Variants in PRKCH observed in about 807,000 individuals in gnomAD.
PRKCH encodes protein kinase C eta type.
A neutral mutation model predicts 82.5 loss-of-function variants in PRKCH; 28 were observed. The ratio of observed to expected loss-of-function variants is 0.34; its 90% CI spans 0.25 to 0.47. The LOEUF (loss-of-function observed/expected upper bound fraction) is 0.47. Ranked by LOEUF, PRKCH falls within the 20% of genes least tolerant of loss-of-function variation. The probability of loss-of-function intolerance (pLI) is 1.00; values close to 1 mark genes in which losing one functional copy is unlikely to be tolerated. For synonymous variants in PRKCH, 322 were observed against 327.4 expected, an observed-to-expected ratio of 0.98 and a Z score of 0.18; for missense variants, 705 against 881.8, an observed-to-expected ratio of 0.80 and a Z score of 2.54.
intron 1 of PRKCH, among the ~76,000 whole-genome samples, chr14:61,312,246 T>A (rs918656006): frequency 6.6e-6 from 1 of 152,230 alleles, no homozygotes; most frequent in Non-Finnish European, 1.5e-5. Context: ...AAATGATTCT[T>A]GTGCTTCAGC....
chr14:61,260,339 A>G (rs988582157), intron 1 of PRKCH, among the ~76,000 whole-genome samples: 14 of 152,222 alleles, frequency 9.2e-5, no homozygotes, highest in South Asian at 4.1e-4. Flanking sequence ...TTTTACCTCT[A>G]TGGGTTTAAA....
At chr14:61,463,799 A>G (rs913510406) in intron 9 of PRKCH, among the ~76,000 whole-genome samples, 14 of 152,216 alleles carry the variant, frequency 9.2e-5, no homozygotes, top group African/African-American at 3.4e-4. Flanking sequence ...ATTTGATTAC[A>G]CATATCAGTG....
At chr14:61,409,194 G>T (rs1882125391) in intron 2 of PRKCH, among the ~76,000 whole-genome samples, 2 of 152,178 alleles carry the variant, frequency 1.3e-5, no homozygotes, top group African/African-American at 4.8e-5. Context: ...AGACAGCCCT[G>T]TTCATGGGCA....
Position 61,549,789 on chromosome 14 carries a change from G to A in PRKCH, c.2010G>A (p.Glu670=). 1 of 1,614,066 alleles carries A rather than the reference G, an allele frequency of 6.2e-7. No homozygotes were observed. Among genetic ancestry groups the A allele is most frequent in the East Asian group, 2.2e-5 (1 of 44,884 alleles). Residue 670 remains glutamate, a synonymous_variant, in exon 14 of 14, where the codon GAG becomes GAA. Coordinates refer to ENST00000332981, the MANE Select transcript of PRKCH (RefSeq NM_006255.5). ...EGHLPMINQD[E]FRNFSYVSPE... ...ATCTTCCAATGATTAACCAGGATGA[G>A]TTTAGAAACTTTTCCTATGTGTCTC...
rs1314478318 is a variant in PRKCH, at chr14:61,449,896, CTCTCTG to C, written c.702+646_702+651del. 1.6e-3 allele frequency among the ~76,000 whole-genome samples: 39 copies of C among 24,408 alleles called. No individual in the cohort carries two copies. In the South Asian group the frequency reaches 0.018, roughly 11 times the overall value. The allele number at this position is 24,408 out of a possible 152,430, so 16.0% of individuals were successfully genotyped here. A position where few individuals can be genotyped will look rare whatever the true frequency, so the allele number is the denominator to read the frequency against. ...TCTCTCTCTCTCTCTCTCTCTCTCT[CTCTCTG>C]TGTGTGTGTGTGTGTGTGTGTATGT... is the stretch of plus-strand genomic sequence containing the variant. On this transcript the variant is annotated intron_variant, in intron 5 of 13. Coordinates refer to ENST00000332981, the MANE Select transcript of PRKCH (RefSeq NM_006255.5).
intron 1 of PRKCH, among the ~76,000 whole-genome samples, chr14:61,270,325 A>G (rs2045140459): frequency 6.6e-6 from 1 of 152,152 alleles, no homozygotes; most frequent in African/African-American, 2.4e-5. Context: ...TTAAAAAGAA[A>G]AAAGACAATG....
chr14:61,354,823 A>C (rs2140153540), intron 1 of PRKCH, among the ~76,000 whole-genome samples: 1 of 152,308 alleles, frequency 6.6e-6, no homozygotes, highest in East Asian at 1.9e-4. Context: ...AGATTACTTC[A>C]TTTTTGCCTT....
chr14:61,244,149 C>T (rs541270941), intron 1 of PRKCH, among the ~76,000 whole-genome samples: 1 of 152,234 alleles, frequency 6.6e-6, no homozygotes, highest in Non-Finnish European at 1.5e-5. Flanking sequence ...AGGCATGAGA[C>T]CGCCACATGA....
chr14:61,372,321 T>A (rs955556983), intron 1 of PRKCH, among the ~76,000 whole-genome samples: 9 of 152,116 alleles, frequency 5.9e-5, no homozygotes, highest in Non-Finnish European at 1.3e-4. Flanking sequence ...AGGTGTATAC[T>A]CACCCTTGTA....
At chr14:61,476,736 A>G (rs895953277) in intron 9 of PRKCH, among the ~76,000 whole-genome samples, 3 of 152,216 alleles carry the variant, frequency 2.0e-5, no homozygotes, top group Non-Finnish European at 4.4e-5. Context: ...TATTCAGGAC[A>G]TATTTCACCT....
intron 10 of PRKCH, 100 bp from the exon 11 acceptor site, chr14:61,528,975 T>TGTGTGG: frequency 1.2e-6 from 1 of 811,256 alleles, no homozygotes. Context: ...TGGCCGCACG[T>TGTGTGG]GTGTGTGTGT....
chr14:61,402,198 A>G (rs908451866), intron 2 of PRKCH, among the ~76,000 whole-genome samples: 2 of 152,236 alleles, frequency 1.3e-5, no homozygotes, highest in African/African-American at 4.8e-5. Context: ...ACGTATTTTC[A>G]CAATGGCCAG....
At chr14:61,418,055 A>C (rs147511752) in intron 2 of PRKCH, among the ~76,000 whole-genome samples, 9 of 152,324 alleles carry the variant, frequency 5.9e-5, no homozygotes, top group Non-Finnish European at 1.3e-4. Context: ...TTACATACGG[A>C]ATAGTTCCTG....
At chr14:61,493,524 A>G (rs75617724) in intron 10 of PRKCH, among the ~76,000 whole-genome samples, 6,561 of 152,280 alleles carry the variant, frequency 0.043, 211 homozygotes, top group Non-Finnish European at 0.062. Flanking sequence ...ATACAGTATT[A>G]CAAGTGGCCA....
chr14:61,199,284 G>A lies in PRKCH; in HGVS notation c.-19+11616G>A, dbSNP rs956033673. 6.6e-5 allele frequency among the ~76,000 whole-genome samples: 10 copies of A among 152,158 alleles called. 1 individual carries two copies. The highest frequency in any genetic ancestry group is 2.4e-4 in the African/African-American group (10 of 41,434). On this transcript the variant is annotated intron_variant, in intron 1 of 3. Coordinates refer to the PRKCH transcript ENST00000555185. The stretch of plus-strand genomic sequence containing the variant: ...TAATAATGTGTTATGTACCCCCTGG[G>A]TGTCTGATTTACTGACTTGAGCTGA...
At chr14:61,471,768 CA>C (rs939537926) in intron 9 of PRKCH, among the ~76,000 whole-genome samples, 12 of 151,906 alleles carry the variant, frequency 7.9e-5, no homozygotes, top group Admixed American at 2.0e-4. Flanking sequence ...AGCAGCATCC[CA>C]AAATACCAGC....
intron 4 of PRKCH, among the ~76,000 whole-genome samples, chr14:61,446,470 G>C (rs1421304948): frequency 6.6e-6 from 1 of 152,208 alleles, no homozygotes; most frequent in African/African-American, 2.4e-5. Flanking sequence ...TGATAAAATA[G>C]CACCACATAT....
At chr14:61,522,843 G>T (rs1039583151) in intron 10 of PRKCH, among the ~76,000 whole-genome samples, 1 of 152,250 alleles carries the variant, frequency 6.6e-6, no homozygotes, top group Non-Finnish European at 1.5e-5. Flanking sequence ...CTAAAGAATG[G>T]TTGGGTGGGT....
At chr14:61,395,151 G>A (rs546608471) in intron 2 of PRKCH, among the ~76,000 whole-genome samples, 8 of 152,118 alleles carry the variant, frequency 5.3e-5, no homozygotes, top group Non-Finnish European at 1.2e-4. Flanking sequence ...CTCTGTGCGT[G>A]CATTGCTTTT....
Sources: gnomAD v4.1 joint callset for allele counts (sites outside exome capture counted in the v4.1 genomes callset) on GRCh38, gnomAD v4.1.1 for gene constraint, MANE v1.5 for transcripts, NCBI Gene and HGNC (gene_info 2026-07-23, HGNC 2026-07-21) for gene names.